KDM2A: variants seen among roughly 807,000 people sequenced by gnomAD.
The protein encoded by KDM2A is lysine demethylase 2A, also known as lysine-specific demethylase 2A.
KDM2A carries 3 observed loss-of-function variants against 137.3 expected under a neutral mutation model. That is an observed-to-expected ratio of 0.02 (90% confidence interval 0.01 to 0.06). The LOEUF is 0.06. Among genes scored for constraint, KDM2A ranks in the 10% least tolerant of loss-of-function variants. KDM2A has a pLI of 1.00. For missense variants in KDM2A, 738 were observed against 1,510.6 expected (o/e 0.49, Z 8.48); for synonymous variants, 512 against 541.5 (o/e 0.95, Z 0.76).
intron 5 of KDM2A, among the ~76,000 whole-genome samples, chr11:67,198,811 C>T (rs934650440): frequency 1.3e-5 from 2 of 151,604 alleles, no homozygotes; most frequent in East Asian, 1.9e-4. Flanking sequence ...CGGAGTCTCA[C>T]TCTGTTGCCC....
intron 2 of KDM2A, among the ~76,000 whole-genome samples, chr11:67,137,415 CAA>C: frequency 6.6e-6 from 1 of 152,164 alleles, no homozygotes. Context: ...TCAGGTAAGA[CAA>C]TGATGTGGTA....
chr11:67,228,703 A>G (rs1858621182), intron 11 of KDM2A, among the ~76,000 whole-genome samples: 1 of 144,732 alleles, frequency 6.9e-6, no homozygotes, highest in South Asian at 2.1e-4. Flanking sequence ...AAAAAAAAAA[A>G]GAAAGAAAGA....
In KDM2A at chr11:67,250,912, G is replaced by A. The variant is rs1859401906; in HGVS notation, c.2768+114G>A. On this transcript the variant is annotated intron_variant, in intron 17 of 20. Coordinates refer to ENST00000529006, the MANE Select transcript of KDM2A (RefSeq NM_012308.3). The surrounding 1 kb of genome is among the most constrained non-coding windows in gnomAD (Gnocchi z 7.1). ...GAAAGCCTGTGGGGTCTTATGAGGAGTGAATTGACCCTTTTTCCCAAACTT... is the reference window on the plus strand; with the variant it reads ...GAAAGCCTGTGGGGTCTTATGAGGAATGAATTGACCCTTTTTCCCAAACTT... 12 of 797,280 alleles carry A rather than the reference G, an allele frequency of 1.5e-5. 1 individual carries two copies. The South Asian group carries it at 2.2e-4, about 15-fold the overall frequency. 49.4% of individuals were successfully genotyped at this position (797,280 alleles called of 1,614,324 possible).
chr11:67,168,582 TACACACACACACACACACACACAC>T (rs71056179), intron 2 of KDM2A, among the ~76,000 whole-genome samples: 1 of 33,984 alleles, frequency 2.9e-5, no homozygotes, highest in African/African-American at 1.3e-4. Flanking sequence ...GTATGAATTA[TACACACACACACACACACACACAC>T]ACACACACAC....
chr11:67,242,031 G>A (rs759386681), intron 12 of KDM2A, among the ~76,000 whole-genome samples: 8 of 152,078 alleles, frequency 5.3e-5, no homozygotes, highest in East Asian at 3.8e-4. Context: ...CCGAGATAGC[G>A]CCACTGCACT....
At chr11:67,253,802 A>G (rs1859515393) in intron 19 of KDM2A, among the ~76,000 whole-genome samples, 191 bp downstream of exon 19, 1 of 152,204 alleles carries the variant, frequency 6.6e-6, no homozygotes, top group Non-Finnish European at 1.5e-5. Context: ...CCTACAAACA[A>G]TGGAGTAAGT....
In KDM2A at chr11:67,231,714, C is replaced by T. The variant is rs1021554215; in HGVS notation, c.1233C>T (p.Cys411=). 6.2e-7 allele frequency: 1 copy of T among 1,613,934 alleles called. No individual in the cohort carries two copies. The highest frequency in any genetic ancestry group is 8.5e-7 in the Non-Finnish European group (1 of 1,179,864). The change falls in exon 12 of 21, where the codon TGC becomes TGT. Residue 411 remains cysteine, a synonymous_variant. Coordinates refer to ENST00000529006, the MANE Select transcript of KDM2A (RefSeq NM_012308.3). The part of the protein sequence containing the change: ...NLDYDGLGKT[C]RSLPSLKKTL... ...ATTATGATGGACTGGGCAAAACCTG[C>T]CGAAGTCTTCCAAGTCTGAAGAAAA...
intron 2 of KDM2A, among the ~76,000 whole-genome samples, chr11:67,166,452 T>G (rs1486799723): frequency 2.0e-5 from 3 of 151,992 alleles, no homozygotes; most frequent in Non-Finnish European, 4.4e-5. Flanking sequence ...TCCTAAAGTG[T>G]TAGGATTACA....
chr11:67,222,799 T>C (rs1283679731), intron 10 of KDM2A, among the ~76,000 whole-genome samples: 1 of 149,862 alleles, frequency 6.7e-6, no homozygotes. Context: ...ACTGGTTCAG[T>C]TTCAGGGAAG....
chr11:67,203,219 C>G (rs1227762059), intron 5 of KDM2A, among the ~76,000 whole-genome samples: 1 of 151,572 alleles, frequency 6.6e-6, no homozygotes, highest in East Asian at 1.9e-4. Flanking sequence ...AAGTATGTAC[C>G]TTGTTTTTTA....
chr11:67,199,702 A>G (rs1209201080), intron 5 of KDM2A, among the ~76,000 whole-genome samples: 1 of 152,246 alleles, frequency 6.6e-6, no homozygotes, highest in East Asian at 1.9e-4. Context: ...GTAACAATGA[A>G]GTGCAAGGTA....
chr11:67,144,275 A>C (rs1403542069), intron 2 of KDM2A, among the ~76,000 whole-genome samples: 1 of 136,266 alleles, frequency 7.3e-6, no homozygotes, highest in African/African-American at 2.8e-5. Context: ...TTTTCAAGAC[A>C]GAGTCTCACT....
At chr11:67,162,656 T>C (rs1454903755) in intron 2 of KDM2A, among the ~76,000 whole-genome samples, 1 of 152,088 alleles carries the variant, frequency 6.6e-6, no homozygotes, top group East Asian at 1.9e-4. Flanking sequence ...TCCGCCCGCC[T>C]CGGCCTCCCA....
chr11:67,147,702 G>A (rs1856286678), intron 2 of KDM2A, among the ~76,000 whole-genome samples: 1 of 150,852 alleles, frequency 6.6e-6, no homozygotes. Context: ...TTTTGAGATG[G>A]AGTCTTGCAG....
intron 5 of KDM2A, among the ~76,000 whole-genome samples, chr11:67,193,860 C>G (rs1425337318): frequency 6.6e-6 from 1 of 152,134 alleles, no homozygotes; most frequent in South Asian, 2.1e-4. Flanking sequence ...GACCCCATCT[C>G]AATACATACA....
At chr11:67,200,376 C>T (rs1055876433) in intron 5 of KDM2A, among the ~76,000 whole-genome samples, 15 of 152,110 alleles carry the variant, frequency 9.9e-5, no homozygotes, top group African/African-American at 1.9e-4. Context: ...CCACCACGTC[C>T]GGCTAATTTT....
rs56758864 is a variant in KDM2A, at chr11:67,142,557, GGGGGTT to G, written c.42+21234_42+21239del. 2.9e-3 allele frequency among the ~76,000 whole-genome samples: 330 copies of G among 115,330 alleles called. 1 individual carries two copies. Among genetic ancestry groups the G allele is most frequent in the East Asian group, 5.0e-3 (18 of 3,634 alleles). 75.7% of individuals were successfully genotyped at this position (115,330 alleles called of 152,430 possible). A position where few individuals can be genotyped will look rare whatever the true frequency, so the allele number is the denominator to read the frequency against. ...TCCCAGCTACTGGTGAAGTTGGCCG[GGGGGTT>G]GGGGTTGGGGTTGGGGTTGGGGTTG... is the stretch of plus-strand genomic sequence containing the variant. On this transcript the variant is annotated intron_variant, in intron 2 of 20. Transcript: ENST00000529006.
chr11:67,171,159 A>C (rs960530624), intron 2 of KDM2A, among the ~76,000 whole-genome samples: 1 of 152,168 alleles, frequency 6.6e-6, no homozygotes, highest in Non-Finnish European at 1.5e-5. Context: ...GTCCTGAAAA[A>C]ATAGCCTTTA....
At chr11:67,158,148 G>C (rs907288776) in intron 2 of KDM2A, among the ~76,000 whole-genome samples, 10 of 151,666 alleles carry the variant, frequency 6.6e-5, no homozygotes, top group African/African-American at 2.2e-4. Flanking sequence ...TCTTTTTGCT[G>C]TCTGTAGTTT....
Sources: allele counts gnomAD v4.1 joint callset (sites outside exome capture counted in the v4.1 genomes callset), GRCh38; gene constraint gnomAD v4.1.1; non-coding constraint Gnocchi (gnomAD v3.1); transcripts MANE v1.5; gene names NCBI Gene and HGNC (gene_info 2026-07-23, HGNC 2026-07-21).